Variants in CACNA1D observed in about 807,000 individuals in gnomAD.
The protein encoded by CACNA1D is voltage-dependent L-type calcium channel subunit alpha-1D.
Under a neutral mutation model 257.1 loss-of-function variants are expected in CACNA1D, and 55 were observed. That is an observed-to-expected ratio of 0.21 (90% CI 0.17 to 0.27). The LOEUF (loss-of-function observed/expected upper bound fraction) is 0.27, where lower values mean the gene tolerates loss of function less well. CACNA1D is among the 10% of genes least tolerant of loss of function. The pLI is 1.00. For synonymous variants in CACNA1D, 980 were observed against 1,014.9 expected (o/e 0.97, Z 0.65); for missense variants, 1,876 against 2,784.0 (o/e 0.67, Z 7.34).
intron 40 of CACNA1D, chr3:53,796,153 TA>T: frequency 3.3e-6 from 1 of 303,310 alleles, no homozygotes; most frequent in Non-Finnish European, 6.8e-6. Flanking sequence ...GGAACTAGTC[TA>T]AAAAGGTCCC....
intron 3 of CACNA1D, among the ~76,000 whole-genome samples, chr3:53,612,303 C>G (rs757542339): frequency 5.9e-5 from 9 of 152,100 alleles, no homozygotes; most frequent in Non-Finnish European, 4.4e-5. Context: ...TGTGGAGCAT[C>G]TGAATTTTCT....
At chr3:53,700,060 A>C (rs2094608366) in intron 8 of CACNA1D, among the ~76,000 whole-genome samples, 1 of 148,270 alleles carries the variant, frequency 6.7e-6, no homozygotes, top group Admixed American at 6.7e-5. Context: ...ATACATTATA[A>C]AATGTATATA....
At chr3:53,568,452 G>C (rs1386380794) in intron 3 of CACNA1D, among the ~76,000 whole-genome samples, 1 of 152,122 alleles carries the variant, frequency 6.6e-6, no homozygotes, top group Non-Finnish European at 1.5e-5. Context: ...GAAAATTCAA[G>C]CCGCCAGGAG....
At position 53,497,604 on chromosome 3, in the gene CACNA1D, A is replaced by G. The variant is rs1034915088; in HGVS notation, c.377+143A>G. ...TTGTATATAAGGGGTTTCATTGTAT[A>G]TACCTTCCTGTCTCTTCGGGTTGCA... is the stretch of plus-strand genomic sequence containing the variant. On this transcript the variant is annotated intron_variant, in intron 2 of 47. Coordinates refer to ENST00000350061, the MANE Select transcript of CACNA1D (RefSeq NM_001128840.3). 52 of 818,552 alleles carry G rather than the reference A, an allele frequency of 6.4e-5. No homozygotes were observed. The Middle Eastern group carries it at 1.3e-3, about 21-fold the overall frequency. The allele number at this position is 818,552 out of a possible 1,614,324, so 50.7% of individuals were successfully genotyped here.
intron 3 of CACNA1D, among the ~76,000 whole-genome samples, chr3:53,520,904 C>CT (rs879374890): frequency 9.9e-6 from 1 of 100,604 alleles, no homozygotes. Flanking sequence ...CTTTTCTTTT[C>CT]TTTTCTTTTC....
chr3:53,567,174 A>G (rs1278804168), intron 3 of CACNA1D, among the ~76,000 whole-genome samples: 1 of 152,228 alleles, frequency 6.6e-6, no homozygotes, highest in African/African-American at 2.4e-5. Flanking sequence ...GCATGGTGCC[A>G]GAGGCATGGT....
At position 53,497,156 on chromosome 3, in the gene CACNA1D, A is replaced by G. The variant is rs150067408; in HGVS notation, c.72A>G (p.Ala24=). The part of the protein sequence containing the change: ...RQQQADHANE[A]NYARGTRLPL... ...TGTTTTTCTCCTTCTCCCCAGAGGC[A>G]AACTATGCAAGAGGCACCAGACTTC... The change falls in exon 2 of 48, where the codon GCA becomes GCG. Residue 24 remains alanine, a synonymous_variant. Coordinates refer to ENST00000350061, the MANE Select transcript of CACNA1D (RefSeq NM_001128840.3). The G allele has an allele frequency of 1.2e-6, 2 of 1,613,814 alleles. No individual in the cohort carries two copies. The highest frequency in any genetic ancestry group is 2.7e-5 in the African/African-American group (2 of 74,894).
intron 44 of CACNA1D, among the ~76,000 whole-genome samples, 159 bp from the exon 45 acceptor site, chr3:53,804,824 A>G (rs1191516503): frequency 6.6e-6 from 1 of 152,182 alleles, no homozygotes; most frequent in African/African-American, 2.4e-5. Context: ...CTTGGTCTCC[A>G]TCTGGAATCT....
chr3:53,639,392 T>G (rs894770096), intron 3 of CACNA1D, among the ~76,000 whole-genome samples: 1 of 147,090 alleles, frequency 6.8e-6, no homozygotes, highest in African/African-American at 2.5e-5. Flanking sequence ...CTCTCTCTCT[T>G]TTTTTTTTTT....
In CACNA1D at chr3:53,800,210, T is replaced by G; in HGVS notation, c.4924-39T>G. 7.1e-7 allele frequency: 1 copy of G among 1,407,858 alleles called. No individual in the cohort carries two copies. Among genetic ancestry groups the G allele is most frequent in the Non-Finnish European group, 1.0e-6 (1 of 991,490 alleles). 87.2% of individuals were successfully genotyped at this position (1,407,858 alleles called of 1,614,324 possible). ...GGACCCAGGCTGGCCCCAGGGCCCA[T>G]GTGTGGTCTAACCTGTTCTGCCATT... On this transcript the variant is annotated intron_variant, in intron 40 of 47. Transcript: ENST00000350061. The surrounding 1 kb of genome is among the most constrained non-coding windows in gnomAD (Gnocchi z 4.3).
chr3:53,587,264 G>GGTGAC (rs2093234289), intron 3 of CACNA1D, among the ~76,000 whole-genome samples: 1 of 152,134 alleles, frequency 6.6e-6, no homozygotes, highest in Non-Finnish European at 1.5e-5. Flanking sequence ...TAGACTCTGG[G>GGTGAC]GTGACTGAAG....
At chr3:53,582,847 C>T (rs2093155064) in intron 3 of CACNA1D, among the ~76,000 whole-genome samples, 1 of 152,104 alleles carries the variant, frequency 6.6e-6, no homozygotes, top group South Asian at 2.1e-4. Flanking sequence ...CAGTGGATTC[C>T]AGGTGATTTG....
intron 8 of CACNA1D, among the ~76,000 whole-genome samples, chr3:53,692,648 G>A (rs2094538543): frequency 6.6e-6 from 1 of 152,156 alleles, no homozygotes; most frequent in Non-Finnish European, 1.5e-5. Flanking sequence ...TGTTCATGGT[G>A]GATAACTCAA....
chr3:53,734,374 A>C (rs1045193635), intron 19 of CACNA1D, among the ~76,000 whole-genome samples: 6 of 152,012 alleles, frequency 3.9e-5, no homozygotes, highest in Non-Finnish European at 7.4e-5. Flanking sequence ...CATATTTTAG[A>C]TATACATATA....
At chr3:53,609,303 G>A (rs2093553189) in intron 3 of CACNA1D, among the ~76,000 whole-genome samples, 1 of 151,074 alleles carries the variant, frequency 6.6e-6, no homozygotes, top group African/African-American at 2.4e-5. Flanking sequence ...CCAGCTACTT[G>A]GGAGACTGAG....
intron 28 of CACNA1D, among the ~76,000 whole-genome samples, chr3:53,753,147 A>C (rs925187838): frequency 2.6e-5 from 4 of 152,214 alleles, no homozygotes; most frequent in African/African-American, 9.6e-5. Context: ...GTGCTGACGT[A>C]GAAGAAAGTG....
chr3:53,745,523 G>A, intron 23 of CACNA1D, 101 bp from the exon 24 acceptor site: 1 of 749,638 alleles, frequency 1.3e-6, no homozygotes, highest in Non-Finnish European at 2.4e-6. Flanking sequence ...TTAGAGGTGT[G>A]AGCCACTGTG....
chr3:53,496,950 T>C (rs2090377615), intron 1 of CACNA1D, among the ~76,000 whole-genome samples: 1 of 152,186 alleles, frequency 6.6e-6, no homozygotes, highest in African/African-American at 2.4e-5. Context: ...TGATTGACAC[T>C]GAGACCAGAG....
At chr3:53,798,308 CGTGT>C (rs10581353) in intron 40 of CACNA1D, among the ~76,000 whole-genome samples, 121 of 148,764 alleles carry the variant, frequency 8.1e-4, no homozygotes, top group East Asian at 2.5e-3. Flanking sequence ...TGTATGTGTG[CGTGT>C]GTGTGTGTGT....
Sources: gnomAD v4.1 joint callset for allele counts (sites outside exome capture counted in the v4.1 genomes callset) on GRCh38, gnomAD v4.1.1 for gene constraint, Gnocchi (gnomAD v3.1) non-coding constraint, MANE v1.5 for transcripts, NCBI Gene and HGNC (gene_info 2026-07-23, HGNC 2026-07-21) for gene names.